The following DHRSX variants were observed in gnomAD, a reference collection of about 807,000 sequenced individuals.
DHRSX encodes dehydrogenase/reductase X-linked, also known as polyprenol dehydrogenase.
DHRSX carries 31 observed loss-of-function variants against 34.0 expected under a neutral mutation model. That is an observed-to-expected ratio of 0.91 (90% CI 0.69 to 1.23). The LOEUF is 1.23. Among genes scored for constraint, DHRSX ranks in the 50% most tolerant of loss-of-function variants. The probability of loss-of-function intolerance (pLI) is 0.00; values close to 1 mark genes in which losing one functional copy is unlikely to be tolerated. For missense variants in DHRSX, 414 were observed against 428.1 expected, an observed-to-expected ratio of 0.97 and a Z score of 0.29; for synonymous variants, 201 against 183.8, an observed-to-expected ratio of 1.09 and a Z score of -0.76.
chrX:2,263,163 AT>A (rs1264083174), intron 5 of DHRSX, among the ~76,000 whole-genome samples: 1 of 152,156 alleles, frequency 6.6e-6, no homozygotes, highest in African/African-American at 2.4e-5. Flanking sequence ...CTGCAGAGAA[AT>A]TCAAAGGCGA....
chrX:2,474,842 T>C (rs1452635376), intron 1 of DHRSX, among the ~76,000 whole-genome samples: 1 of 150,282 alleles, frequency 6.7e-6, no homozygotes, highest in Non-Finnish European at 1.5e-5. Flanking sequence ...AGCTTGTGGC[T>C]AAGGGACCGC....
At chrX:2,492,778 G>A (rs1247877580) in intron 1 of DHRSX, among the ~76,000 whole-genome samples, 1 of 152,202 alleles carries the variant, frequency 6.6e-6, no homozygotes, top group South Asian at 2.1e-4. Flanking sequence ...AGCCTCCGGA[G>A]GGAGCGCAGC....
intron 3 of DHRSX, among the ~76,000 whole-genome samples, chrX:2,352,458 T>C (rs1489067665): frequency 1.3e-5 from 2 of 152,110 alleles, no homozygotes; most frequent in Admixed American, 6.6e-5. Context: ...ACCGTCCTAC[T>C]TGCCGGGCTG....
chrX:2,488,671 G>A (rs373349701), intron 1 of DHRSX: 19 of 1,610,956 alleles, frequency 1.2e-5, no homozygotes, highest in African/African-American at 6.7e-5. Context: ...CAAAGAAACC[G>A]CCGCTGACGC....
chrX:2,271,904 G>A (rs747089999), intron 4 of DHRSX, among the ~76,000 whole-genome samples: 11 of 152,204 alleles, frequency 7.2e-5, no homozygotes, highest in African/African-American at 2.6e-4. Context: ...AGCCGGGCGT[G>A]GTGGTGCATG....
At chrX:2,407,171 G>C (rs939999350) in intron 3 of DHRSX, among the ~76,000 whole-genome samples, 3 of 152,188 alleles carry the variant, frequency 2.0e-5, no homozygotes, top group Non-Finnish European at 2.9e-5. Flanking sequence ...GAAACCGAAA[G>C]TCAAATACCA....
intron 4 of DHRSX, among the ~76,000 whole-genome samples, chrX:2,273,080 C>T (rs1461005344): frequency 1.3e-5 from 2 of 152,276 alleles, no homozygotes; most frequent in African/African-American, 2.4e-5. Context: ...CGAGAGCAGC[C>T]TGGGCAACAT....
chrX:2,407,295 G>A (rs1245818942), intron 3 of DHRSX, among the ~76,000 whole-genome samples: 2 of 152,212 alleles, frequency 1.3e-5, no homozygotes, highest in Non-Finnish European at 1.5e-5. Context: ...GCTAGGGGAT[G>A]GGGCCACTCA....
chrX:2,257,528 G>T (rs1272113458), intron 5 of DHRSX, among the ~76,000 whole-genome samples: 1 of 152,212 alleles, frequency 6.6e-6, no homozygotes, highest in Non-Finnish European at 1.5e-5. Context: ...GGGGACCTGG[G>T]CGTATCTCAT....
intron 3 of DHRSX, among the ~76,000 whole-genome samples, chrX:2,308,513 A>G (rs188888000): frequency 4.7e-4 from 72 of 152,286 alleles, no homozygotes; most frequent in African/African-American, 1.7e-3. Context: ...TTGAAGTCTA[A>G]AACGTTAATG....
intron 3 of DHRSX, among the ~76,000 whole-genome samples, chrX:2,322,064 C>A (rs2124533578): frequency 6.6e-6 from 1 of 152,002 alleles, no homozygotes; most frequent in Admixed American, 6.6e-5. Flanking sequence ...TTTTGGTACA[C>A]CCATCACCCG....
At chrX:2,276,550 C>G (rs968823736) in intron 4 of DHRSX, among the ~76,000 whole-genome samples, 1 of 152,118 alleles carries the variant, frequency 6.6e-6, no homozygotes. Context: ...AATTATCGTT[C>G]ATTGGTCTGT....
chrX:2,314,485 GGAAGGGAGGTAAA>G, intron 3 of DHRSX, among the ~76,000 whole-genome samples: 1 of 126,412 alleles, frequency 7.9e-6, no homozygotes, highest in African/African-American at 3.6e-5. Context: ...AAGGAAGGAA[GGAAGGGAGGTAAA>G]GGAGGTAAGG....
chrX:2,359,529 A>G (rs926390184), intron 3 of DHRSX, among the ~76,000 whole-genome samples: 1 of 152,092 alleles, frequency 6.6e-6, no homozygotes, highest in East Asian at 1.9e-4. Context: ...AATACAAAAA[A>G]ATTAGCTGGG....
intron 1 of DHRSX, among the ~76,000 whole-genome samples, chrX:2,432,076 C>A (rs1197418281): frequency 6.6e-6 from 1 of 152,088 alleles, no homozygotes; most frequent in Admixed American, 6.6e-5. Context: ...CACCTGTAAT[C>A]CCAGCGACTC....
intron 3 of DHRSX, among the ~76,000 whole-genome samples, chrX:2,320,819 G>A (rs1224883811): frequency 1.3e-5 from 2 of 151,842 alleles, no homozygotes; most frequent in African/African-American, 4.8e-5. Context: ...AGCTTCCAAT[G>A]AGAAACAGGT....
intron 3 of DHRSX, among the ~76,000 whole-genome samples, chrX:2,394,236 C>G (rs2043380512): frequency 1.3e-5 from 2 of 152,136 alleles, no homozygotes; most frequent in South Asian, 4.1e-4. Context: ...ACAGCAGGCT[C>G]CCTGTGAAGG....
intron 3 of DHRSX, among the ~76,000 whole-genome samples, chrX:2,336,623 G>C (rs2042568635): frequency 6.6e-6 from 1 of 150,572 alleles, no homozygotes; most frequent in African/African-American, 2.5e-5. Context: ...TTTTGAGACG[G>C]AGTTTTGCTG....
intron 1 of DHRSX, among the ~76,000 whole-genome samples, chrX:2,484,341 C>A (rs1473869375): frequency 6.6e-6 from 1 of 152,056 alleles, no homozygotes; most frequent in Non-Finnish European, 1.5e-5. Context: ...TCCGCGGAGC[C>A]AAAAATATTT....
Sources: gnomAD v4.1 joint callset for allele counts (sites outside exome capture counted in the v4.1 genomes callset) on GRCh38, gnomAD v4.1.1 for gene constraint, MANE v1.5 for transcripts, NCBI Gene and HGNC (gene_info 2026-07-23, HGNC 2026-07-21) for gene names.